The following RBMS3 variants were observed in gnomAD, a reference collection of about 807,000 sequenced individuals.
RBMS3 encodes RNA-binding motif, single-stranded-interacting protein 3.
A neutral mutation model predicts 66.8 loss-of-function variants in RBMS3; 27 were observed. That is an observed-to-expected ratio of 0.40 (90% CI 0.30 to 0.56). The LOEUF is 0.56. Among genes scored for constraint, RBMS3 ranks in the 20% least tolerant of loss-of-function variants. The probability of loss-of-function intolerance (pLI) is 0.40; values close to 1 mark genes in which losing one functional copy is unlikely to be tolerated. For synonymous variants in RBMS3, 188 were observed against 183.0 expected (o/e 1.03, Z -0.22); for missense variants, 513 against 549.5 (o/e 0.93, Z 0.66).
intron 1 of RBMS3, among the ~76,000 whole-genome samples, chr3:29,302,246 A>G (rs1040840702): frequency 6.6e-6 from 1 of 151,994 alleles, no homozygotes; most frequent in African/African-American, 2.4e-5. Flanking sequence ...TCCTGGGCTC[A>G]AGTAACCCTC....
intron 6 of RBMS3, among the ~76,000 whole-genome samples, chr3:29,770,449 T>G (rs2056150925): frequency 6.6e-6 from 1 of 151,976 alleles, no homozygotes; most frequent in African/African-American, 2.4e-5. Context: ...GAAGCACCAA[T>G]AAGTAGCAGC....
Position 29,816,377 on chromosome 3 carries a change from G to T in RBMS3, c.638-52481G>T, listed in dbSNP as rs562145050. 4.0e-5 allele frequency among the ~76,000 whole-genome samples: 6 copies of T among 150,846 alleles called. No homozygotes were observed. In the South Asian group the frequency reaches 1.3e-3, roughly 32 times the overall value. On this transcript the variant is annotated intron_variant, in intron 6 of 14. Coordinates refer to ENST00000383767, the MANE Select transcript of RBMS3 (RefSeq NM_001003793.3). ...TTCACTGGACAGACCTCCATCATAT[G>T]ACCCACTCCCCTACATGCAGGTGAG...
chr3:29,295,364 C>CAT (rs1180980504), intron 1 of RBMS3, among the ~76,000 whole-genome samples: 15 of 130,572 alleles, frequency 1.1e-4, no homozygotes, highest in African/African-American at 2.9e-4. Flanking sequence ...TATACACACA[C>CAT]ATATATATAT....
At chr3:29,412,077 T>C (rs888117038) in intron 1 of RBMS3, among the ~76,000 whole-genome samples, 1 of 152,228 alleles carries the variant, frequency 6.6e-6, no homozygotes, top group Non-Finnish European at 1.5e-5. Context: ...AAGACACTTA[T>C]TTACATATAT....
chr3:29,950,005 G>A (rs889444575), intron 12 of RBMS3, among the ~76,000 whole-genome samples: 1 of 151,748 alleles, frequency 6.6e-6, no homozygotes, highest in Non-Finnish European at 1.5e-5. Context: ...GTTGATTAGT[G>A]TCCACTGATA....
chr3:29,970,215 T>G (rs1357686670), intron 12 of RBMS3, among the ~76,000 whole-genome samples: 1 of 152,156 alleles, frequency 6.6e-6, no homozygotes, highest in Non-Finnish European at 1.5e-5. Flanking sequence ...GCCTGTGAGT[T>G]AGTGAAGGAG....
At chr3:29,652,547 A>G (rs558793501) in intron 4 of RBMS3, among the ~76,000 whole-genome samples, 7 of 152,172 alleles carry the variant, frequency 4.6e-5, no homozygotes, top group African/African-American at 9.6e-5. Flanking sequence ...CTAAGAGGCT[A>G]TAGCAGAATT....
At chr3:29,566,589 A>G (rs1395327489) in intron 3 of RBMS3, among the ~76,000 whole-genome samples, 3 of 140,304 alleles carry the variant, frequency 2.1e-5, no homozygotes, top group African/African-American at 5.4e-5. Flanking sequence ...CTTGAATGCT[A>G]TTTCTCCCTC....
chr3:29,869,679 G>A lies in RBMS3; in HGVS notation c.744+715G>A, dbSNP rs2059444030. On this transcript the variant is annotated intron_variant, in intron 7 of 14. Transcript: ENST00000383767. ...AATGGGTTCTTTTTGTTACTTTTTT[G>A]TAAGAAGACAAGGAAAAGGTGACTG... 2.6e-5 allele frequency among the ~76,000 whole-genome samples: 4 copies of A among 152,154 alleles called. No individual in the cohort carries two copies. The South Asian group carries it at 8.3e-4, about 32-fold the overall frequency.
At chr3:29,842,827 G>T (rs887090614) in intron 6 of RBMS3, among the ~76,000 whole-genome samples, 2 of 152,214 alleles carry the variant, frequency 1.3e-5, no homozygotes, top group African/African-American at 4.8e-5. Flanking sequence ...GGAAGGGGCT[G>T]CAAGCCAATG....
chr3:29,711,801 G>T (rs754440279), intron 4 of RBMS3, among the ~76,000 whole-genome samples: 4 of 152,154 alleles, frequency 2.6e-5, no homozygotes, highest in Non-Finnish European at 5.9e-5. Context: ...TTTTGTGGTT[G>T]AGCAAACATC....
intron 7 of RBMS3, among the ~76,000 whole-genome samples, chr3:29,879,791 A>G (rs563699209): frequency 1.4e-5 from 2 of 147,900 alleles, no homozygotes; most frequent in Non-Finnish European, 3.0e-5. Context: ...AATACTTTCA[A>G]CAATGGTTAA....
intron 4 of RBMS3, among the ~76,000 whole-genome samples, chr3:29,603,673 G>A (rs896648834): frequency 2.0e-5 from 3 of 151,866 alleles, no homozygotes; most frequent in Non-Finnish European, 4.4e-5. Context: ...TGCATAGACT[G>A]CTTAGTGTAT....
At chr3:29,650,351 C>T (rs1402584319) in intron 4 of RBMS3, among the ~76,000 whole-genome samples, 2 of 145,710 alleles carry the variant, frequency 1.4e-5, no homozygotes, top group Non-Finnish European at 3.0e-5. Context: ...AGTGCAGTGG[C>T]GTGATCACAA....
In RBMS3 at chr3:29,893,436, T is replaced by C. The variant is rs184049555; in HGVS notation, c.792-3943T>C. ...TTTTAATACTCCAATTGGCGCATTT[T>C]ACAAAGTCGACCAGCCACGCTAAAA... On this transcript the variant is annotated intron_variant, in intron 8 of 14. Coordinates refer to ENST00000383767, the MANE Select transcript of RBMS3 (RefSeq NM_001003793.3). 2.8e-3 allele frequency among the ~76,000 whole-genome samples: 432 copies of C among 151,656 alleles called. 6 individuals are homozygous for C. The highest frequency in any genetic ancestry group is 9.7e-3 in the African/African-American group (401 of 41,476).
intron 4 of RBMS3, among the ~76,000 whole-genome samples, chr3:29,732,498 G>C (rs1212835937): frequency 1.3e-5 from 2 of 152,140 alleles, no homozygotes; most frequent in African/African-American, 4.8e-5. Flanking sequence ...TCTCAGTCAA[G>C]TTGACACATA....
At chr3:29,988,587 G>A (rs1332461734) in intron 13 of RBMS3, among the ~76,000 whole-genome samples, 2 of 151,962 alleles carry the variant, frequency 1.3e-5, no homozygotes, top group African/African-American at 2.4e-5. Flanking sequence ...TCAAAGAGTG[G>A]TTCCTAGACC....
intron 14 of RBMS3, among the ~76,000 whole-genome samples, chr3:29,998,817 C>A (rs1699424932): frequency 6.6e-6 from 1 of 152,142 alleles, no homozygotes; most frequent in Admixed American, 6.5e-5. Flanking sequence ...CATAAAAACT[C>A]TAGAAGAAAA....
Position 29,764,447 on chromosome 3 carries a change from GA to G in RBMS3, c.637+1459del, listed in dbSNP as rs200558545. 6.3e-3 allele frequency among the ~76,000 whole-genome samples: 951 copies of G among 151,970 alleles called. 17 individuals are homozygous for G. The highest frequency in any genetic ancestry group is 0.035 in the Admixed American group (527 of 15,210). ...TACTCAAATCCGTCATCGAGTAAAGGAGTTGCATTGTTTGTGGACTTTCCTC... is the reference window on the plus strand; with the variant it reads ...TACTCAAATCCGTCATCGAGTAAAGGGTTGCATTGTTTGTGGACTTTCCTC... On this transcript the variant is annotated intron_variant, in intron 6 of 14. Transcript: ENST00000383767.
Sources: allele counts gnomAD v4.1 joint callset (sites outside exome capture counted in the v4.1 genomes callset), GRCh38; gene constraint gnomAD v4.1.1; transcripts MANE v1.5; gene names NCBI Gene and HGNC (gene_info 2026-07-23, HGNC 2026-07-21).